Variants in CAMTA1 observed in about 807,000 individuals in gnomAD.
CAMTA1 encodes the protein calmodulin-binding transcription activator 1.
A neutral mutation model predicts 170.9 loss-of-function variants in CAMTA1; 27 were observed. The observed-to-expected ratio is 0.16, with a 90% CI of 0.12 to 0.22. CAMTA1 has a LOEUF of 0.22. Ranked by LOEUF, CAMTA1 falls within the 10% of genes least tolerant of loss-of-function variation. The probability of loss-of-function intolerance (pLI) is 1.00; values close to 1 mark genes in which losing one functional copy is unlikely to be tolerated. For synonymous variants in CAMTA1, 833 were observed against 891.5 expected, an observed-to-expected ratio of 0.93 and a Z score of 1.17; for missense variants, 1,619 against 2,217.2, an observed-to-expected ratio of 0.73 and a Z score of 5.42.
intron 4 of CAMTA1, among the ~76,000 whole-genome samples, chr1:7,161,968 C>A (rs1022393363): frequency 6.6e-6 from 1 of 152,074 alleles, no homozygotes; most frequent in Non-Finnish European, 1.5e-5. Context: ...GTGTCGGCAA[C>A]GTCAGATCCT....
chr1:7,489,559 A>C (rs1434549060), intron 6 of CAMTA1, among the ~76,000 whole-genome samples: 1 of 152,216 alleles, frequency 6.6e-6, no homozygotes, highest in Admixed American at 6.5e-5. Context: ...CTAGGGTTGC[A>C]GGGGTGATCC....
At chr1:7,671,798 T>C (rs1197940754) in intron 10 of CAMTA1, among the ~76,000 whole-genome samples, 1 of 152,192 alleles carries the variant, frequency 6.6e-6, no homozygotes, top group Non-Finnish European at 1.5e-5. Context: ...ACGGTGTCCC[T>C]GTCTGGTCAA....
intron 5 of CAMTA1, among the ~76,000 whole-genome samples, chr1:7,386,568 C>T (rs1469938480): frequency 6.6e-6 from 1 of 152,174 alleles, no homozygotes; most frequent in Non-Finnish European, 1.5e-5. Context: ...CTGCCAAGGC[C>T]TCCTCCTACG....
At chr1:6,806,351 G>C (rs1644508299) in intron 1 of CAMTA1, among the ~76,000 whole-genome samples, 1 of 152,130 alleles carries the variant, frequency 6.6e-6, no homozygotes, top group African/African-American at 2.4e-5. Flanking sequence ...TAGCTCCCTT[G>C]TATTTCCGTA....
intron 6 of CAMTA1, among the ~76,000 whole-genome samples, chr1:7,625,845 C>T (rs1324847711): frequency 6.6e-6 from 1 of 152,186 alleles, no homozygotes; most frequent in Non-Finnish European, 1.5e-5. Context: ...GCAGAGGGGC[C>T]GGCCCCAGAC....
chr1:6,818,551 C>G (rs1457526839), intron 1 of CAMTA1, among the ~76,000 whole-genome samples: 1 of 152,124 alleles, frequency 6.6e-6, no homozygotes, highest in Admixed American at 6.5e-5. Flanking sequence ...ATCCACCCGC[C>G]CTTTTTGGAT....
At chr1:6,817,673 A>T (rs1290669342) in intron 1 of CAMTA1, among the ~76,000 whole-genome samples, 1 of 152,112 alleles carries the variant, frequency 6.6e-6, no homozygotes, top group African/African-American at 2.4e-5. Flanking sequence ...TCATTCTGTC[A>T]CCCAAGCTAG....
chr1:7,191,412 C>T (rs890561660), intron 4 of CAMTA1, among the ~76,000 whole-genome samples: 2 of 152,266 alleles, frequency 1.3e-5, no homozygotes, highest in Admixed American at 6.5e-5. Context: ...CCACCTTGCA[C>T]CATATTATCA....
At chr1:6,960,426 C>T (rs188826743) in intron 3 of CAMTA1, among the ~76,000 whole-genome samples, 142 of 152,148 alleles carry the variant, frequency 9.3e-4, no homozygotes, top group Middle Eastern at 3.4e-3. Context: ...CAGTCTGGGC[C>T]GACTGCCCCT....
At chr1:7,197,415 A>G (rs1238183970) in intron 4 of CAMTA1, among the ~76,000 whole-genome samples, 1 of 152,086 alleles carries the variant, frequency 6.6e-6, no homozygotes, top group Non-Finnish European at 1.5e-5. Context: ...ATGCTCTCTC[A>G]GCTGCCCACA....
intron 4 of CAMTA1, among the ~76,000 whole-genome samples, chr1:7,180,420 A>G (rs1199590879): frequency 6.6e-6 from 1 of 151,622 alleles, no homozygotes; most frequent in Non-Finnish European, 1.5e-5. Context: ...AACAGTATCA[A>G]TTTGGTATAG....
intron 11 of CAMTA1, among the ~76,000 whole-genome samples, chr1:7,706,538 GA>G (rs937267484): frequency 9.2e-5 from 14 of 151,808 alleles, no homozygotes; most frequent in African/African-American, 3.4e-4. Context: ...TGTGTGTTTA[GA>G]AAAAAAATAG....
At chr1:7,076,417 G>A (rs550915799) in intron 3 of CAMTA1, among the ~76,000 whole-genome samples, 1 of 152,094 alleles carries the variant, frequency 6.6e-6, no homozygotes, top group Non-Finnish European at 1.5e-5. Context: ...TGCTCTTCAG[G>A]TGACACAATA....
At chr1:7,258,159 G>T (rs1437561901) in intron 5 of CAMTA1, among the ~76,000 whole-genome samples, 2 of 152,236 alleles carry the variant, frequency 1.3e-5, no homozygotes, top group Non-Finnish European at 2.9e-5. Context: ...TGCCACTGGT[G>T]TTGGGGGAGA....
chr1:7,596,335 G>T (rs1025623385), intron 6 of CAMTA1, among the ~76,000 whole-genome samples: 3 of 152,242 alleles, frequency 2.0e-5, no homozygotes, highest in Non-Finnish European at 2.9e-5. Context: ...TCCATGCCAG[G>T]TGCAGCTGGA....
intron 6 of CAMTA1, among the ~76,000 whole-genome samples, chr1:7,616,628 T>C (rs890937557): frequency 6.6e-6 from 1 of 152,060 alleles, no homozygotes; most frequent in Non-Finnish European, 1.5e-5. Flanking sequence ...TGCTGCTCCC[T>C]AGAATCCTGA....
chr1:7,418,381 T>G (rs1266289213), intron 5 of CAMTA1, among the ~76,000 whole-genome samples: 6 of 152,182 alleles, frequency 3.9e-5, no homozygotes, highest in Admixed American at 3.9e-4. Context: ...GTATTTTTAG[T>G]AGAGACAGGA....
intron 3 of CAMTA1, among the ~76,000 whole-genome samples, chr1:6,845,931 C>G (rs1428318031): frequency 6.6e-6 from 1 of 152,134 alleles, no homozygotes; most frequent in Non-Finnish European, 1.5e-5. Flanking sequence ...GCTGGGGAGG[C>G]CTCACAATCA....
intron 5 of CAMTA1, among the ~76,000 whole-genome samples, chr1:7,301,492 G>A (rs1170401934): frequency 6.6e-6 from 1 of 152,166 alleles, no homozygotes; most frequent in African/African-American, 2.4e-5. Context: ...TTGCCCGTGG[G>A]GCCCGGGGAG....
Sources: allele counts gnomAD v4.1 joint callset (sites outside exome capture counted in the v4.1 genomes callset), GRCh38; gene constraint gnomAD v4.1.1; transcripts MANE v1.5; gene names NCBI Gene and HGNC (gene_info 2026-07-23, HGNC 2026-07-21).